The following ATXN1 variants were observed in gnomAD, a reference collection of about 807,000 sequenced individuals.
ATXN1 encodes ataxin 1.
A neutral mutation model predicts 56.4 loss-of-function variants in ATXN1; 8 were observed. The ratio of observed to expected loss-of-function variants is 0.14; its 90% CI spans 0.08 to 0.26. The LOEUF is 0.26. Ranked by LOEUF, ATXN1 falls within the 10% of genes least tolerant of loss-of-function variation. ATXN1 has a pLI of 1.00. For synonymous variants in ATXN1, 514 were observed against 494.6 expected (o/e 1.04, Z -0.52); for missense variants, 987 against 1,106.5 (o/e 0.89, Z 1.53).
Position 16,326,418 on chromosome 6 carries a change from G to T in ATXN1, c.1893C>A (p.Phe631Leu). 6.2e-7 allele frequency: 1 copy of T among 1,613,810 alleles called. No homozygotes were observed. The highest frequency in any genetic ancestry group is 8.5e-7 in the Non-Finnish European group (1 of 1,179,878). Residue 631 changes from phenylalanine to leucine, a missense_variant, in exon 7 of 8, where the codon TTC becomes TTA. Phe to Leu is a conservative substitution (Grantham distance 22). This residue lies in a region of ATXN1 where 68 missense variants were observed against 118.1 expected (regional missense o/e 0.58). Coordinates refer to ENST00000436367, the MANE Select transcript of ATXN1 (RefSeq NM_001128164.2). The surrounding 1 kb of genome is among the most constrained non-coding windows in gnomAD (Gnocchi z 6.6). ...SHSPGVAVIQ[F>L]AVGEHRAQVS... is the part of the protein sequence containing the mutation. ...CCTGGGCTCGGTGCTCCCCGACGGC[G>T]AACTGTATCACGGCCACGCCCGGGC...
chr6:16,312,794 G>A (rs956435317), intron 7 of ATXN1, among the ~76,000 whole-genome samples: 5 of 152,040 alleles, frequency 3.3e-5, no homozygotes, highest in Non-Finnish European at 5.9e-5. Flanking sequence ...CAGTCTCCTC[G>A]ATACTAACCC....
intron 2 of ATXN1, among the ~76,000 whole-genome samples, chr6:16,714,314 T>C (rs1759594680): frequency 6.6e-6 from 1 of 151,956 alleles, no homozygotes; most frequent in Admixed American, 6.6e-5. Flanking sequence ...CATCACTAGA[T>C]TTAGCAGAGC....
rs1158971448 is a variant in ATXN1 at position 16,760,498 on chromosome 6, A to C, written c.-730+800T>G. 6.7e-6 allele frequency among the ~76,000 whole-genome samples: 1 copy of C among 149,184 alleles called. No homozygotes were observed. The highest frequency in any genetic ancestry group is 2.1e-4 in the East Asian group (1 of 4,844). On this transcript the variant is annotated intron_variant, in intron 1 of 7. Coordinates refer to ENST00000436367, the MANE Select transcript of ATXN1 (RefSeq NM_001128164.2). The surrounding 1 kb of genome is among the most constrained non-coding windows in gnomAD (Gnocchi z 5.3). ...GGCGGCGGCCAGGGCCGTCACCGCC[A>C]CTCCAGCCGCGCTCCAGGCACCCGC...
intron 7 of ATXN1, among the ~76,000 whole-genome samples, chr6:16,320,220 AGTC>A (rs1349108916): frequency 1.3e-5 from 2 of 152,070 alleles, no homozygotes; most frequent in Non-Finnish European, 2.9e-5. Context: ...AGCTCACAGA[AGTC>A]AACCAAAAAA....
At chr6:16,402,466 C>T (rs9464902) in intron 6 of ATXN1, among the ~76,000 whole-genome samples, 3,025 of 151,730 alleles carry the variant, frequency 0.02, 116 homozygotes, top group African/African-American at 0.07. Flanking sequence ...AGACAACTGG[C>T]TTATAGCAAT....
chr6:16,316,968 C>T (rs890418784), intron 7 of ATXN1, among the ~76,000 whole-genome samples: 1 of 148,084 alleles, frequency 6.8e-6, no homozygotes, highest in Non-Finnish European at 1.5e-5. Context: ...GTGGCTTTAC[C>T]GCCTAACAGG....
At chr6:16,449,145 T>C (rs1374037808) in intron 6 of ATXN1, among the ~76,000 whole-genome samples, 1 of 152,050 alleles carries the variant, frequency 6.6e-6, no homozygotes, top group African/African-American at 2.4e-5. Context: ...CATTGCTTTT[T>C]TTAAACATAT....
intron 3 of ATXN1, among the ~76,000 whole-genome samples, chr6:16,624,006 G>A (rs1763364126): frequency 6.6e-6 from 1 of 152,190 alleles, no homozygotes; most frequent in African/African-American, 2.4e-5. Flanking sequence ...TGGGGGAGAA[G>A]GGAAAAGAAG....
chr6:16,751,103 G>A (rs1221804222), intron 2 of ATXN1, among the ~76,000 whole-genome samples: 1 of 151,770 alleles, frequency 6.6e-6, no homozygotes, highest in Non-Finnish European at 1.5e-5. Context: ...CAAGTAGCTG[G>A]GATTACAGGA....
intron 3 of ATXN1, among the ~76,000 whole-genome samples, chr6:16,597,517 C>T (rs916160607): frequency 6.6e-6 from 1 of 151,304 alleles, no homozygotes; most frequent in African/African-American, 2.4e-5. Flanking sequence ...TGGCTCACTG[C>T]AGCCTCTACC....
At chr6:16,481,061 G>A (rs1289426907) in intron 6 of ATXN1, among the ~76,000 whole-genome samples, 2 of 152,222 alleles carry the variant, frequency 1.3e-5, no homozygotes, top group Non-Finnish European at 2.9e-5. Flanking sequence ...GAGGAAGAGA[G>A]AGAAATGGGT....
At chr6:16,435,675 G>C (rs1759373852) in intron 6 of ATXN1, among the ~76,000 whole-genome samples, 2 of 151,984 alleles carry the variant, frequency 1.3e-5, no homozygotes, top group African/African-American at 2.4e-5. Context: ...GACCGCAGGG[G>C]AAAAAGAGCA....
chr6:16,527,598 C>T lies in ATXN1; in HGVS notation c.-360-4910G>A, dbSNP rs567418688. Reference sequence around the variant, plus strand: ...ACAAATGCTCCCTAAATGCTTCATCCCTGGTCCAGCCGATGCAATTTTTAA... The same window carrying T: ...ACAAATGCTCCCTAAATGCTTCATCTCTGGTCCAGCCGATGCAATTTTTAA... On this transcript the variant is annotated intron_variant, in intron 4 of 7. Transcript: ENST00000436367. 8.5e-5 allele frequency among the ~76,000 whole-genome samples: 13 copies of T among 152,260 alleles called. No individual in the cohort carries two copies. In the East Asian group the frequency reaches 2.3e-3, roughly 27 times the overall value.
intron 4 of ATXN1, among the ~76,000 whole-genome samples, chr6:16,566,487 C>T (rs182533913): frequency 7.8e-4 from 119 of 152,124 alleles, no homozygotes; most frequent in Admixed American, 6.0e-3. Context: ...GCGATCCTCC[C>T]GCCTCAGCCT....
At chr6:16,586,787 G>A (rs975268399) in intron 3 of ATXN1, among the ~76,000 whole-genome samples, 1 of 152,172 alleles carries the variant, frequency 6.6e-6, no homozygotes, top group Non-Finnish European at 1.5e-5. Context: ...TTGGGAGGCT[G>A]AGGTGGGCGG....
At chr6:16,526,747 A>G (rs973632350) in intron 4 of ATXN1, among the ~76,000 whole-genome samples, 1 of 148,348 alleles carries the variant, frequency 6.7e-6, no homozygotes, top group African/African-American at 2.5e-5. Context: ...CCTGGGCAAC[A>G]AGAGCAAAAC....
At chr6:16,565,518 T>C (rs1762201563) in intron 4 of ATXN1, among the ~76,000 whole-genome samples, 1 of 152,146 alleles carries the variant, frequency 6.6e-6, no homozygotes. Context: ...AACGTTGAGG[T>C]TAAAAAAATC....
intron 2 of ATXN1, among the ~76,000 whole-genome samples, chr6:16,725,299 C>T (rs530275537): frequency 6.6e-6 from 1 of 152,146 alleles, no homozygotes; most frequent in Non-Finnish European, 1.5e-5. Flanking sequence ...TCCGATACTG[C>T]GTGTTTTCAT....
At chr6:16,505,237 G>A (rs1283461338) in intron 5 of ATXN1, among the ~76,000 whole-genome samples, 2 of 152,066 alleles carry the variant, frequency 1.3e-5, no homozygotes, top group African/African-American at 2.4e-5. Context: ...CATACCGGCA[G>A]CCCAAATCTC....
Sources: allele counts gnomAD v4.1 joint callset (sites outside exome capture counted in the v4.1 genomes callset), GRCh38; gene constraint gnomAD v4.1.1; regional missense constraint gnomAD v4.1.1; non-coding constraint Gnocchi (gnomAD v3.1); transcripts MANE v1.5; gene names NCBI Gene and HGNC (gene_info 2026-07-23, HGNC 2026-07-21).